TSPAN5: variants seen among roughly 807,000 people sequenced by gnomAD.
TSPAN5 encodes tetraspanin 5, also known as tetraspanin-5.
A neutral mutation model predicts 37.1 loss-of-function variants in TSPAN5; 10 were observed. The ratio of observed to expected loss-of-function variants is 0.27; its 90% CI spans 0.17 to 0.46. The LOEUF (loss-of-function observed/expected upper bound fraction) is 0.46. Among genes scored for constraint, TSPAN5 ranks in the 20% least tolerant of loss-of-function variants. TSPAN5 has a pLI of 1.00. For missense variants in TSPAN5, 195 were observed against 326.6 expected (o/e 0.60, Z 3.11); for synonymous variants, 110 against 118.9 (o/e 0.93, Z 0.48).
chr4:98,602,168 A>G (rs1579021860), intron 1 of TSPAN5, among the ~76,000 whole-genome samples: 1 of 152,214 alleles, frequency 6.6e-6, no homozygotes, highest in African/African-American at 2.4e-5. Context: ...ACATGAAGTG[A>G]GCACATGCGA....
chr4:98,547,836 G>A (rs911813484), intron 1 of TSPAN5, among the ~76,000 whole-genome samples: 13 of 151,618 alleles, frequency 8.6e-5, no homozygotes, highest in Non-Finnish European at 1.6e-4. Context: ...GTGAAACCCC[G>A]TCTCTACTAA....
chr4:98,546,764 G>A (rs1272932775), intron 1 of TSPAN5, among the ~76,000 whole-genome samples: 1 of 152,104 alleles, frequency 6.6e-6, no homozygotes, highest in East Asian at 1.9e-4. Flanking sequence ...GACCCATACT[G>A]CAATGTATTT....
intron 4 of TSPAN5, among the ~76,000 whole-genome samples, chr4:98,481,059 C>T (rs1752828238): frequency 1.3e-5 from 2 of 152,038 alleles, no homozygotes; most frequent in African/African-American, 4.8e-5. Flanking sequence ...CTGCCATATA[C>T]ATGAATGCCA....
chr4:98,551,221 A>G (rs1754607123), intron 1 of TSPAN5, among the ~76,000 whole-genome samples: 1 of 152,136 alleles, frequency 6.6e-6, no homozygotes, highest in Non-Finnish European at 1.5e-5. Flanking sequence ...CATCCTTAGG[A>G]TAAATCCCAC....
chr4:98,617,310 A>C (rs1186174450), intron 1 of TSPAN5, among the ~76,000 whole-genome samples: 1 of 152,180 alleles, frequency 6.6e-6, no homozygotes, highest in Non-Finnish European at 1.5e-5. Flanking sequence ...TTTATACATA[A>C]AGAAAGCTAG....
chr4:98,615,002 G>A (rs1324393540), intron 1 of TSPAN5, among the ~76,000 whole-genome samples: 1 of 152,194 alleles, frequency 6.6e-6, no homozygotes, highest in East Asian at 1.9e-4. Context: ...CTTCAACAGA[G>A]ATGATGCCAA....
intron 2 of TSPAN5, among the ~76,000 whole-genome samples, chr4:98,494,243 T>C (rs1471349555): frequency 6.6e-6 from 1 of 152,072 alleles, no homozygotes; most frequent in Admixed American, 6.5e-5. Flanking sequence ...AACCTCCTCC[T>C]GAACAAACCA....
At chr4:98,599,786 T>C (rs1468684882) in intron 1 of TSPAN5, among the ~76,000 whole-genome samples, 6 of 152,262 alleles carry the variant, frequency 3.9e-5, no homozygotes, top group African/African-American at 1.4e-4. Flanking sequence ...CTGAGTAGTA[T>C]TCCATTTTAT....
intron 1 of TSPAN5, among the ~76,000 whole-genome samples, chr4:98,652,766 G>GATTGCTT (rs1427930453): frequency 6.6e-6 from 1 of 152,226 alleles, no homozygotes; most frequent in Non-Finnish European, 1.5e-5. Flanking sequence ...TAAAAATGCA[G>GATTGCTT]ATTGCTTTCA....
chr4:98,474,683 T>C (rs1752657301), intron 7 of TSPAN5, among the ~76,000 whole-genome samples: 2 of 152,092 alleles, frequency 1.3e-5, no homozygotes. Context: ...ATTTTTTTCT[T>C]ATTTTTTTGA....
At chr4:98,656,800 TAGAAAAC>T (rs1560576183) in intron 1 of TSPAN5, among the ~76,000 whole-genome samples, 1 of 151,974 alleles carries the variant, frequency 6.6e-6, no homozygotes, top group Non-Finnish European at 1.5e-5. Flanking sequence ...GGTATTATAA[TAGAAAAC>T]AGAAAATAAA....
At chr4:98,584,342 CTTTT>C (rs888503731) in intron 1 of TSPAN5, among the ~76,000 whole-genome samples, 1 of 152,162 alleles carries the variant, frequency 6.6e-6, no homozygotes, top group Non-Finnish European at 1.5e-5. Flanking sequence ...ATACTCATTT[CTTTT>C]TATTTTAAAA....
intron 1 of TSPAN5, among the ~76,000 whole-genome samples, chr4:98,582,174 T>G (rs1249012451): frequency 6.6e-6 from 1 of 152,222 alleles, no homozygotes; most frequent in Non-Finnish European, 1.5e-5. Flanking sequence ...TTGCAAGTGA[T>G]TGCGGTTCTC....
In TSPAN5 at chr4:98,649,041, G is replaced by A. The variant is rs2110288342; in HGVS notation, c.81+9105C>T. The stretch of plus-strand genomic sequence containing the variant: ...TTAGTGAGAGGGACTTCCCATGCAT[G>A]GAGAGATTCCAAGAGATAAAAACCC... On this transcript the variant is annotated intron_variant, in intron 1 of 7. Coordinates refer to ENST00000305798, the MANE Select transcript of TSPAN5 (RefSeq NM_005723.4). Among the ~76,000 whole-genome samples the A allele has an allele frequency of 2.0e-5, 3 of 152,290 alleles. No homozygotes were observed. In the Middle Eastern group the frequency reaches 0.01, roughly 518 times the overall value.
At chr4:98,484,093 C>T in intron 3 of TSPAN5, 1 of 182,052 alleles carries the variant, frequency 5.5e-6, no homozygotes, top group Non-Finnish European at 1.2e-5. Context: ...TTTCCAGTTC[C>T]CCTGGTAAAT....
At chr4:98,624,151 C>T (rs969919164) in intron 1 of TSPAN5, among the ~76,000 whole-genome samples, 1 of 151,914 alleles carries the variant, frequency 6.6e-6, no homozygotes, top group African/African-American at 2.4e-5. Flanking sequence ...TATGTTATTC[C>T]AAAGCCTTAC....
In TSPAN5 at chr4:98,530,044, G is replaced by C. The variant is rs149844097; in HGVS notation, c.82-22316C>G. On this transcript the variant is annotated intron_variant, in intron 1 of 7. Transcript: ENST00000305798. Reference sequence around the variant, plus strand: ...TCAGACTCTGAGTTCCTTGATGTAGGTGTTGTATCTTGGACATGGCACCTG... The same window carrying C: ...TCAGACTCTGAGTTCCTTGATGTAGCTGTTGTATCTTGGACATGGCACCTG... Among the ~76,000 whole-genome samples, 732 of 152,284 alleles carry C rather than the reference G, an allele frequency of 4.8e-3. 5 individuals carry two copies. Among genetic ancestry groups the C allele is most frequent in the Middle Eastern group, 0.014 (4 of 294 alleles).
At chr4:98,603,415 T>C (rs1477995201) in intron 1 of TSPAN5, among the ~76,000 whole-genome samples, 1 of 152,210 alleles carries the variant, frequency 6.6e-6, no homozygotes, top group African/African-American at 2.4e-5. Flanking sequence ...ATTTCTCAAG[T>C]ATAAAAGCAA....
At chr4:98,520,244 G>A (rs1313517868) in intron 1 of TSPAN5, among the ~76,000 whole-genome samples, 2 of 152,156 alleles carry the variant, frequency 1.3e-5, no homozygotes, top group Non-Finnish European at 2.9e-5. Flanking sequence ...AGGGGAAGGG[G>A]CCAGCTCTAC....
Sources: allele counts gnomAD v4.1 joint callset (sites outside exome capture counted in the v4.1 genomes callset), GRCh38; gene constraint gnomAD v4.1.1; transcripts MANE v1.5; gene names NCBI Gene and HGNC (gene_info 2026-07-23, HGNC 2026-07-21).